The following RASA4B variants were observed in gnomAD, a reference collection of about 807,000 sequenced individuals.
RASA4B encodes the protein ras GTPase-activating protein 4B.
Under a neutral mutation model 24.2 loss-of-function variants are expected in RASA4B, and 2 were observed. The observed-to-expected ratio is 0.08, with a 90% CI of 0.03 to 0.26. The LOEUF is 0.26. RASA4B is among the 10% of genes least tolerant of loss of function. RASA4B has a pLI of 1.00. For missense variants in RASA4B, 8 were observed against 277.2 expected (o/e 0.03, Z 6.90); for synonymous variants, 2 against 125.6 (o/e 0.02, Z 6.58).
intron 5 of RASA4B, among the ~76,000 whole-genome samples, chr7:102,504,696 C>A (rs1186848752): frequency 3.1e-5 from 3 of 96,084 alleles, no homozygotes; most frequent in East Asian, 4.5e-4. Context: ...AAAAAAAAAA[C>A]CCACCAAAAA....
At chr7:102,506,354 C>T (rs1486422537) in intron 5 of RASA4B, among the ~76,000 whole-genome samples, 1 of 152,038 alleles carries the variant, frequency 6.6e-6, no homozygotes, top group African/African-American at 2.4e-5. Flanking sequence ...GGGTTCAAGA[C>T]TCCTGCCTCA....
At chr7:102,512,625 GGAGAGAGGGAGGAGAGTAGGAGGGGGA>G (rs759233341) in intron 1 of RASA4B, among the ~76,000 whole-genome samples, 3,213 of 30,314 alleles carry the variant, frequency 0.11, 4 homozygotes, top group East Asian at 0.27. Flanking sequence ...AGTAGGAGGG[GGAGAGAGGGAGGAGAGTAGGAGGGGGA>G]GAGAGGGAGG....
At chr7:102,486,328 TGAGA>T (rs1798728559) in intron 18 of RASA4B, among the ~76,000 whole-genome samples, 1 of 141,268 alleles carries the variant, frequency 7.1e-6, no homozygotes, top group South Asian at 2.4e-4. Context: ...CCAGCCTGGG[TGAGA>T]GAGTGAGAGA....
intron 14 of RASA4B, among the ~76,000 whole-genome samples, chr7:102,494,198 AGGTTTAACTGAC>A (rs1308143158): frequency 7.1e-6 from 1 of 141,472 alleles, no homozygotes; most frequent in Non-Finnish European, 1.6e-5. Context: ...CTTCCTCTGT[AGGTTTAACTGAC>A]GCTGCTGCAC....
chr7:102,487,316 C>A (rs1292317347), intron 18 of RASA4B, among the ~76,000 whole-genome samples: 5 of 72,530 alleles, frequency 6.9e-5, no homozygotes, highest in South Asian at 5.1e-4. Flanking sequence ...ACAAAAAAAA[C>A]CCCTCAGCTC....
intron 17 of RASA4B, among the ~76,000 whole-genome samples, chr7:102,488,868 T>TA (rs1378527832): frequency 7.9e-4 from 119 of 150,332 alleles, no homozygotes; most frequent in Admixed American, 1.3e-3. Context: ...TTCTTTTTTT[T>TA]AGAGATGGGG....
At chr7:102,514,863 TCATGCC>T (rs1799802575) in intron 1 of RASA4B, among the ~76,000 whole-genome samples, 1 of 114,814 alleles carries the variant, frequency 8.7e-6, no homozygotes, top group Non-Finnish European at 2.0e-5. Context: ...GAGACTTGGC[TCATGCC>T]TAGGTACGTG....
At chr7:102,491,764 T>C (rs1186973147) in intron 16 of RASA4B, among the ~76,000 whole-genome samples, 16 of 58,318 alleles carry the variant, frequency 2.7e-4, no homozygotes, top group Non-Finnish European at 1.1e-4. Flanking sequence ...CGAAACTCCA[T>C]CTCAAAAAAA....
Position 102,480,251 on chromosome 7 carries a change from C to A in RASA4B, c.*3341G>T, listed in dbSNP as rs1798582111. 1.3e-5 allele frequency among the ~76,000 whole-genome samples: 2 copies of A among 152,114 alleles called. No individual in the cohort carries two copies. The highest frequency in any genetic ancestry group is 1.5e-5 in the Non-Finnish European group (1 of 68,030). ...GGAAAAACACCCGCTACTTAGCAGA[C>A]CAGGAAAGGGAGTGTACAGTGAGAT... On this transcript the variant is annotated 3_prime_UTR_variant, in exon 21 of 21. Transcript: ENST00000465829.
At position 102,480,207 on chromosome 7, in the gene RASA4B, G is replaced by C. The variant is rs1362909360; in HGVS notation, c.*3385C>G. ...CTGTTGCCAAGCCCACCGTGGTCTA[G>C]CTGTAGCGTTAGTGTCAAGGAAAAA... On this transcript the variant is annotated 3_prime_UTR_variant, in exon 21 of 21. Coordinates refer to ENST00000465829, the MANE Select transcript of RASA4B (RefSeq NM_001367767.2). 1.6e-4 allele frequency among the ~76,000 whole-genome samples: 24 copies of C among 152,162 alleles called. No individual in the cohort carries two copies. Among genetic ancestry groups the C allele is most frequent in the Non-Finnish European group, 2.9e-5 (2 of 68,038 alleles).
chr7:102,480,930 T>A lies in RASA4B; in HGVS notation c.*2662A>T, dbSNP rs1427377962. Among the ~76,000 whole-genome samples the A allele has an allele frequency of 1.9e-4, 16 of 85,432 alleles. 3 individuals are homozygous for A. In the East Asian group the frequency reaches 4.0e-3, roughly 21 times the overall value. 56.0% of individuals were successfully genotyped at this position (85,432 alleles called of 152,430 possible). A position where few individuals can be genotyped will look rare whatever the true frequency, so the allele number is the denominator to read the frequency against. On this transcript the variant is annotated 3_prime_UTR_variant, in exon 21 of 21. Coordinates refer to ENST00000465829, the MANE Select transcript of RASA4B (RefSeq NM_001367767.2). ...CCACTGTGCCCAGCCAAGTGCAGTA[T>A]CTTATCACACCTTTACAAAATTAAT...
chr7:102,492,717 T>G (rs1586766052), intron 16 of RASA4B, among the ~76,000 whole-genome samples: 1 of 112,796 alleles, frequency 8.9e-6, no homozygotes, highest in South Asian at 3.7e-4. Flanking sequence ...CAGGTTGGAG[T>G]GCAGTGGCAC....
intron 8 of RASA4B, among the ~76,000 whole-genome samples, chr7:102,498,604 C>T (rs1489370258): frequency 7.1e-6 from 1 of 140,124 alleles, no homozygotes; most frequent in East Asian, 2.1e-4. Flanking sequence ...GGCTGGAGTG[C>T]AGTGGTGGGA....
chr7:102,502,701 A>C (rs1799362962), intron 6 of RASA4B, among the ~76,000 whole-genome samples: 2 of 127,716 alleles, frequency 1.6e-5, no homozygotes, highest in Admixed American at 8.2e-5. Context: ...CAGAGCCTGC[A>C]GTGAGCTGAG....
At chr7:102,504,873 C>T (rs1586779398) in intron 5 of RASA4B, among the ~76,000 whole-genome samples, 1 of 141,044 alleles carries the variant, frequency 7.1e-6, no homozygotes, top group East Asian at 2.4e-4. Flanking sequence ...TGGTGGTGCA[C>T]ACCTGTAATC....
Position 102,502,691 on chromosome 7 carries a change from C to T in RASA4B, c.510+472G>A, listed in dbSNP as rs1482959696. On this transcript the variant is annotated intron_variant, in intron 6 of 20. Transcript: ENST00000465829. ...AGGAGAATCTCTCCAACTGGGAAGG[C>T]AGAGCCTGCAGTGAGCTGAGATCCA... 2.3e-5 allele frequency among the ~76,000 whole-genome samples: 3 copies of T among 127,738 alleles called. No homozygotes were observed. The East Asian group carries it at 6.3e-4, about 27-fold the overall frequency. The allele number at this position is 127,738 out of a possible 152,430, so 83.8% of individuals were successfully genotyped here. A position where few individuals can be genotyped will look rare whatever the true frequency, so the allele number is the denominator to read the frequency against.
At chr7:102,496,762 T>A (rs1799150137) in intron 9 of RASA4B, 85 bp downstream of exon 9, 1 of 725,520 alleles carries the variant, frequency 1.4e-6, no homozygotes, top group African/African-American at 1.7e-5. Flanking sequence ...AGACCTCAGG[T>A]TTCTGCTCTG....
In RASA4B at chr7:102,493,575, G is replaced by A. The variant is rs1398958926; in HGVS notation, c.1660+250C>T. On this transcript the variant is annotated intron_variant, in intron 15 of 20. Coordinates refer to ENST00000465829, the MANE Select transcript of RASA4B (RefSeq NM_001367767.2). ...AAGGATGGAGCAAATGTCAACAGGC[G>A]CAGATGATGGGGGGGTGAGGCCATG... 1.1e-3 allele frequency among the ~76,000 whole-genome samples: 45 copies of A among 42,178 alleles called. 8 individuals carry two copies. The highest frequency in any genetic ancestry group is 1.7e-3 in the African/African-American group (45 of 26,386). The allele number at this position is 42,178 out of a possible 152,430, so 27.7% of individuals were successfully genotyped here. A position where few individuals can be genotyped will look rare whatever the true frequency, so the allele number is the denominator to read the frequency against.
At chr7:102,487,338 T>C (rs1170229061) in intron 18 of RASA4B, among the ~76,000 whole-genome samples, 1 of 59,106 alleles carries the variant, frequency 1.7e-5, no homozygotes, top group African/African-American at 4.0e-5. Context: ...TCAAGCCACA[T>C]TTCAAGTGCT....
Sources: allele counts gnomAD v4.1 joint callset (sites outside exome capture counted in the v4.1 genomes callset), GRCh38; gene constraint gnomAD v4.1.1; transcripts MANE v1.5; gene names NCBI Gene and HGNC (gene_info 2026-07-23, HGNC 2026-07-21).